Variants in CCDC61 observed in about 807,000 individuals in gnomAD.
The protein encoded by CCDC61 is centrosomal protein CCDC61.
A neutral mutation model predicts 63.0 loss-of-function variants in CCDC61; 55 were observed. The ratio of observed to expected loss-of-function variants is 0.87; its 90% CI spans 0.70 to 1.09. CCDC61 has a LOEUF of 1.09. Among genes scored for constraint, CCDC61 ranks in the 50% least tolerant of loss-of-function variants. The pLI, the probability that CCDC61 is intolerant of heterozygous loss-of-function variation, is 0.00. For missense variants in CCDC61, 651 were observed against 731.4 expected (o/e 0.89, Z 1.27); for synonymous variants, 270 against 317.0 (o/e 0.85, Z 1.58).
chr19:46,012,609 T>A (rs1600651535), intron 5 of CCDC61, among the ~76,000 whole-genome samples: 1 of 151,240 alleles, frequency 6.6e-6, no homozygotes, highest in Non-Finnish European at 1.5e-5. Context: ...ATCACGCCAC[T>A]GCACTCCAGC....
At chr19:46,012,754 C>T (rs780134224) in intron 5 of CCDC61, among the ~76,000 whole-genome samples, 37 of 152,242 alleles carry the variant, frequency 2.4e-4, no homozygotes, top group South Asian at 4.1e-4. Flanking sequence ...CCAAATGCAC[C>T]AGATCTCACT....
chr19:46,007,004 A>G (rs773049642), intron 4 of CCDC61, among the ~76,000 whole-genome samples: 13 of 151,830 alleles, frequency 8.6e-5, no homozygotes, highest in Non-Finnish European at 8.8e-5. Flanking sequence ...CTAGGGACTC[A>G]AGCTCTTTCT....
chr19:46,016,680 T>G lies in CCDC61; in HGVS notation c.1092-14T>G. ...TTGGGCGTACAGACCGGCGTCTCCT[T>G]TCTTTTTTCCCAGGCAGCAGCAGCG... is the stretch of plus-strand genomic sequence containing the variant. On this transcript the variant is annotated splice_polypyrimidine_tract_variant and intron_variant, in intron 9 of 13. Transcript: ENST00000595358. This position sits in a 1 kb window ranked among gnomAD's most constrained non-coding sequence, Gnocchi z 7.2. 6.2e-7 allele frequency: 1 copy of G among 1,611,770 alleles called. No homozygotes were observed. Among genetic ancestry groups the G allele is most frequent in the Non-Finnish European group, 8.5e-7 (1 of 1,179,268 alleles).
chr19:46,003,510 C>CG lies in CCDC61; in HGVS notation c.231+12dup. Reference sequence around the variant, plus strand: ...AGTCAGCCCTCACTCAGGTAGGGCCCGGGTTGGCGGGTTGGGGTGGGAGGG... The same window carrying CG: ...AGTCAGCCCTCACTCAGGTAGGGCCCGGGGTTGGCGGGTTGGGGTGGGAGGG... On this transcript the variant is annotated intron_variant, in intron 3 of 13. Transcript: ENST00000595358. 3.7e-6 allele frequency: 3 copies of CG among 816,410 alleles called. No homozygotes were observed. Among genetic ancestry groups the CG allele is most frequent in the East Asian group, 4.9e-5 (1 of 20,218 alleles). The allele number at this position is 816,410 out of a possible 1,614,324, so 50.6% of individuals were successfully genotyped here.
chr19:46,009,913 A>T (rs1968795816), intron 5 of CCDC61, among the ~76,000 whole-genome samples: 1 of 152,000 alleles, frequency 6.6e-6, no homozygotes, highest in East Asian at 1.9e-4. Context: ...GTTTCCCAAG[A>T]TGGCCACAAG....
At chr19:46,007,301 A>G (rs1968731093) in intron 4 of CCDC61, among the ~76,000 whole-genome samples, 1 of 152,074 alleles carries the variant, frequency 6.6e-6, no homozygotes, top group Non-Finnish European at 1.5e-5. Context: ...CTCCTGCCTC[A>G]GCCTCTCAAA....
chr19:46,004,908 A>G lies in CCDC61; in HGVS notation c.231+1407A>G, dbSNP rs554517660. ...TGCCCAGGCTTAGTGGCACAGTCTCAGCTCACTGCAACCTCCGCGTCTCGG... is the reference window on the plus strand; with the variant it reads ...TGCCCAGGCTTAGTGGCACAGTCTCGGCTCACTGCAACCTCCGCGTCTCGG... On this transcript the variant is annotated intron_variant, in intron 3 of 13. Transcript: ENST00000595358. Among the ~76,000 whole-genome samples, 5 of 135,040 alleles carry G rather than the reference A, an allele frequency of 3.7e-5. No individual in the cohort carries two copies. The Admixed American group carries it at 4.3e-4, about 12-fold the overall frequency. The allele number at this position is 135,040 out of a possible 152,430, so 88.6% of individuals were successfully genotyped here.
chr19:46,004,034 G>GAT, intron 3 of CCDC61, among the ~76,000 whole-genome samples: 1 of 152,126 alleles, frequency 6.6e-6, no homozygotes, highest in South Asian at 2.1e-4. Flanking sequence ...CGCCTCCCAG[G>GAT]TTCAAGCGAT....
chr19:46,001,439 C>A (rs968969866), intron 1 of CCDC61, among the ~76,000 whole-genome samples: 8 of 152,160 alleles, frequency 5.3e-5, no homozygotes, highest in African/African-American at 1.9e-4. Context: ...GTTGGCGAGG[C>A]CGGTCTCGAG....
chr19:46,017,346 C>T, intron 12 of CCDC61, 42 bp downstream of exon 12: 1 of 1,518,884 alleles, frequency 6.6e-7, no homozygotes, highest in African/African-American at 1.4e-5. Flanking sequence ...ACACAGCTGC[C>T]CCCATTTCCT....
At chr19:46,010,214 G>C (rs1968802701) in intron 5 of CCDC61, among the ~76,000 whole-genome samples, 1 of 152,224 alleles carries the variant, frequency 6.6e-6, no homozygotes, top group Admixed American at 6.5e-5. Flanking sequence ...AGAAAAGATG[G>C]CCTGAGGCTC....
At chr19:45,999,535 G>A (rs528779766) in intron 1 of CCDC61, among the ~76,000 whole-genome samples, 1 of 152,162 alleles carries the variant, frequency 6.6e-6, no homozygotes, top group Non-Finnish European at 1.5e-5. Flanking sequence ...GCCATCAGGT[G>A]TGGGCTGCCA....
chr19:45,999,005 G>A (rs1187299860), intron 1 of CCDC61, among the ~76,000 whole-genome samples: 1 of 152,176 alleles, frequency 6.6e-6, no homozygotes, highest in East Asian at 1.9e-4. Context: ...GAAGGAAGAC[G>A]AATGTTTCTG....
At chr19:46,002,064 C>A (rs8100571) in intron 1 of CCDC61, among the ~76,000 whole-genome samples, 26,228 of 152,090 alleles carry the variant, frequency 0.17, 2,405 homozygotes, top group Middle Eastern at 0.27. Flanking sequence ...CTGCCTCAGC[C>A]TCCGGAGTAG....
In CCDC61 at chr19:46,015,639, G is replaced by C. The variant is rs1302289932; in HGVS notation, c.845+212G>C. Among the ~76,000 whole-genome samples, 1 of 152,158 alleles carries C rather than the reference G, an allele frequency of 6.6e-6. No homozygotes were observed. Among genetic ancestry groups the C allele is most frequent in the East Asian group, 1.9e-4 (1 of 5,160 alleles). ...GTGGACCCGGGCTGTGCGGAGATGC[G>C]CAGGCTTGGGGCGGCGTTCAGGAGG... On this transcript the variant is annotated intron_variant, in intron 7 of 13. Transcript: ENST00000595358. This position sits in a 1 kb window ranked among gnomAD's most constrained non-coding sequence, Gnocchi z 5.3.
chr19:45,998,300 C>A (rs10412573), intron 1 of CCDC61, among the ~76,000 whole-genome samples: 21,371 of 152,188 alleles, frequency 0.14, 1,745 homozygotes, highest in Middle Eastern at 0.26. Context: ...GATTTCTGGG[C>A]CCACCCCCAG....
Position 46,018,233 on chromosome 19 carries a change from G to C in CCDC61, c.1442-57G>C. ...GCGGGCAGTGGTATATTGGGCCCAGGAACTCCCTGGGGCTTCAGGCCCCTC... is the reference window on the plus strand; with the variant it reads ...GCGGGCAGTGGTATATTGGGCCCAGCAACTCCCTGGGGCTTCAGGCCCCTC... On this transcript the variant is annotated intron_variant, in intron 13 of 13. Coordinates refer to ENST00000595358, the MANE Select transcript of CCDC61 (RefSeq NM_001267723.2). The surrounding 1 kb of genome is among the most constrained non-coding windows in gnomAD (Gnocchi z 4.2). The C allele has an allele frequency of 6.5e-7, 1 of 1,547,788 alleles. No individual in the cohort carries two copies. The highest frequency in any genetic ancestry group is 8.8e-7 in the Non-Finnish European group (1 of 1,142,324).
chr19:46,001,124 AC>A (rs1968583728), intron 1 of CCDC61, among the ~76,000 whole-genome samples: 1 of 151,114 alleles, frequency 6.6e-6, no homozygotes, highest in African/African-American at 2.4e-5. Context: ...GGGGTTTAGA[AC>A]ACCCAGTGGG....
At chr19:46,010,598 G>C (rs1968809928) in intron 5 of CCDC61, among the ~76,000 whole-genome samples, 1 of 152,254 alleles carries the variant, frequency 6.6e-6, no homozygotes, top group African/African-American at 2.4e-5. Flanking sequence ...GGAGAAGTCA[G>C]ATGGGCAGGG....
Sources: allele counts gnomAD v4.1 joint callset (sites outside exome capture counted in the v4.1 genomes callset), GRCh38; gene constraint gnomAD v4.1.1; non-coding constraint Gnocchi (gnomAD v3.1); transcripts MANE v1.5; gene names NCBI Gene and HGNC (gene_info 2026-07-23, HGNC 2026-07-21).